Variants in FILIP1L observed in about 807,000 individuals in gnomAD.
FILIP1L encodes the protein filamin A-interacting protein 1-like.
In FILIP1L, 55 loss-of-function variants were observed where a neutral mutation model predicts 96.6. That is an observed-to-expected ratio of 0.57 (90% CI 0.46 to 0.71). The LOEUF is 0.71. Among genes scored for constraint, FILIP1L ranks in the 30% least tolerant of loss-of-function variants. The probability of loss-of-function intolerance (pLI) is 0.00; values close to 1 mark genes in which losing one functional copy is unlikely to be tolerated. For missense variants in FILIP1L, 1,304 were observed against 1,321.2 expected, an observed-to-expected ratio of 0.99 and a Z score of 0.20; for synonymous variants, 467 against 473.9, an observed-to-expected ratio of 0.99 and a Z score of 0.19.
chr3:99,995,598 A>G (rs1238140493), intron 1 of FILIP1L, among the ~76,000 whole-genome samples: 1 of 152,216 alleles, frequency 6.6e-6, no homozygotes, highest in African/African-American at 2.4e-5. Flanking sequence ...CTGCCCTAGC[A>G]GAGGTTCTCT....
intron 1 of FILIP1L, among the ~76,000 whole-genome samples, chr3:99,946,951 A>G (rs1212593199): frequency 2.0e-5 from 3 of 152,060 alleles, no homozygotes; most frequent in African/African-American, 7.2e-5. Flanking sequence ...CCTGGCCAAC[A>G]TGGCAAAACC....
intron 1 of FILIP1L, among the ~76,000 whole-genome samples, chr3:100,043,418 A>G (rs2065235947): frequency 6.6e-6 from 1 of 152,166 alleles, no homozygotes; most frequent in Non-Finnish European, 1.5e-5. Context: ...ATAGCAGCTC[A>G]GCAGTCTCTA....
chr3:99,896,383 A>G (rs1008727046), intron 4 of FILIP1L, among the ~76,000 whole-genome samples: 2 of 152,086 alleles, frequency 1.3e-5, no homozygotes, highest in African/African-American at 2.4e-5. Flanking sequence ...CATTTTAAAC[A>G]GTCTGCATGC....
intron 1 of FILIP1L, among the ~76,000 whole-genome samples, chr3:99,938,941 A>G (rs2107673925): frequency 6.6e-6 from 1 of 152,360 alleles, no homozygotes. Flanking sequence ...AATTGAAAAC[A>G]AGATAACCTA....
At chr3:99,962,561 G>GT (rs1382467922) in intron 1 of FILIP1L, among the ~76,000 whole-genome samples, 1 of 152,140 alleles carries the variant, frequency 6.6e-6, no homozygotes, top group Admixed American at 6.5e-5. Flanking sequence ...AGATAATATT[G>GT]TTTTAACATT....
At chr3:99,927,869 A>G (rs1707346588) in intron 3 of FILIP1L, among the ~76,000 whole-genome samples, 1 of 152,248 alleles carries the variant, frequency 6.6e-6, no homozygotes, top group Non-Finnish European at 1.5e-5. Context: ...GTTCCAGCTC[A>G]CAGGCTTCCA....
chr3:99,896,753 A>G (rs879674059), intron 4 of FILIP1L, among the ~76,000 whole-genome samples: 5 of 152,200 alleles, frequency 3.3e-5, no homozygotes, highest in African/African-American at 1.2e-4. Context: ...TTGAGATTCT[A>G]TAAGGTTCCA....
intron 1 of FILIP1L, among the ~76,000 whole-genome samples, chr3:100,083,718 A>T (rs1052241129): frequency 4.6e-5 from 7 of 152,200 alleles, no homozygotes; most frequent in Admixed American, 2.0e-4. Flanking sequence ...CATAAAAAAA[A>T]TTTTTAACAT....
At chr3:100,052,375 A>C (rs1009337098) in intron 1 of FILIP1L, among the ~76,000 whole-genome samples, 1 of 152,218 alleles carries the variant, frequency 6.6e-6, no homozygotes, top group South Asian at 2.1e-4. Flanking sequence ...TCCAGGGGGA[A>C]CTTTTGTTCC....
chr3:99,924,662 G>A (rs1707234264), intron 3 of FILIP1L, among the ~76,000 whole-genome samples: 1 of 152,154 alleles, frequency 6.6e-6, no homozygotes, highest in African/African-American at 2.4e-5. Context: ...GGGATTACAG[G>A]CATGCGCCAC....
In FILIP1L at chr3:99,856,312, A is replaced by G. The variant is rs148055570; in HGVS notation, c.606-5242T>C. Among the ~76,000 whole-genome samples the G allele has an allele frequency of 1.3e-4, 20 of 152,344 alleles. No individual in the cohort carries two copies. The East Asian group carries it at 3.9e-3, about 29-fold the overall frequency. On this transcript the variant is annotated intron_variant, in intron 4 of 5. Transcript: ENST00000477258. ...TAGAACACAAAGAGTATAGGTATGAATAGTGGACGTAGACGTTGATCCCTT... is the reference window on the plus strand; with the variant it reads ...TAGAACACAAAGAGTATAGGTATGAGTAGTGGACGTAGACGTTGATCCCTT...
intron 1 of FILIP1L, among the ~76,000 whole-genome samples, chr3:99,962,432 A>G (rs180686813): frequency 6.6e-6 from 1 of 152,162 alleles, no homozygotes; most frequent in Non-Finnish European, 1.5e-5. Context: ...AATATTTTGT[A>G]TATTATCTTT....
At chr3:99,889,580 A>C (rs1706019906) in intron 4 of FILIP1L, among the ~76,000 whole-genome samples, 1 of 151,956 alleles carries the variant, frequency 6.6e-6, no homozygotes, top group African/African-American at 2.4e-5. Context: ...TGTTTATAGT[A>C]ATTATTTGCT....
chr3:99,849,413 T>C lies in FILIP1L; in HGVS notation c.2263A>G (p.Asn755Asp), dbSNP rs748255489. Residue 755 changes from asparagine (N) to aspartate (D), a missense_variant, in exon 5 of 6, where the codon AAC (asparagine) becomes GAC (aspartate). Asn to Asp is a conservative substitution (Grantham distance 23). Transcript: ENST00000477258. ...TCTCTTCCTAAATCTCTGTTCCTGT[T>C]TTCTTGTTGATTTAGTTTTTTTTGC... The part of the protein sequence containing the change: ...VLQKKLNQQE[N>D]RNRDLGREIE... 1.9e-5 allele frequency: 30 copies of C among 1,614,084 alleles called. No individual in the cohort carries two copies. Among genetic ancestry groups the C allele is most frequent in the Middle Eastern group, 1.6e-4 (1 of 6,084 alleles).
chr3:100,025,059 C>A (rs2064893658), intron 1 of FILIP1L, among the ~76,000 whole-genome samples: 1 of 152,120 alleles, frequency 6.6e-6, no homozygotes, highest in South Asian at 2.1e-4. Flanking sequence ...ACGCATTTTT[C>A]TTTGAATTCT....
intron 4 of FILIP1L, among the ~76,000 whole-genome samples, chr3:99,857,797 G>A (rs577068434): frequency 6.6e-6 from 1 of 152,284 alleles, no homozygotes; most frequent in South Asian, 2.1e-4. Context: ...CTTCTCATCT[G>A]TCTCTTTAAG....
intron 1 of FILIP1L, among the ~76,000 whole-genome samples, chr3:99,944,667 A>G (rs996761181): frequency 2.0e-5 from 3 of 152,234 alleles, no homozygotes; most frequent in African/African-American, 7.2e-5. Context: ...CAGGAATTCA[A>G]ACTGGCTTCA....
At chr3:99,946,721 A>G (rs918424226) in intron 1 of FILIP1L, among the ~76,000 whole-genome samples, 3 of 152,226 alleles carry the variant, frequency 2.0e-5, no homozygotes, top group African/African-American at 7.2e-5. Context: ...TGGTGGCTAC[A>G]TCTGGAGGCC....
At chr3:99,953,792 T>C (rs561830107) in intron 1 of FILIP1L, among the ~76,000 whole-genome samples, 6 of 152,306 alleles carry the variant, frequency 3.9e-5, no homozygotes, top group South Asian at 4.1e-4. Context: ...ACAGTCCACA[T>C]AGGCAATTAG....
Sources: gnomAD v4.1 joint callset for allele counts (sites outside exome capture counted in the v4.1 genomes callset) on GRCh38, gnomAD v4.1.1 for gene constraint, MANE v1.5 for transcripts, NCBI Gene and HGNC (gene_info 2026-07-23, HGNC 2026-07-21) for gene names.